PUM2: variants seen among roughly 807,000 people sequenced by gnomAD.
PUM2 encodes the protein pumilio RNA binding family member 2.
In PUM2, 57 loss-of-function variants were observed where a neutral mutation model predicts 124.5. That is an observed-to-expected ratio of 0.46 (90% CI 0.37 to 0.57). The LOEUF (loss-of-function observed/expected upper bound fraction) is 0.57. PUM2 is among the 20% of genes least tolerant of loss of function. The pLI, the probability that PUM2 is intolerant of heterozygous loss-of-function variation, is 0.00. For missense variants in PUM2, 1,065 were observed against 1,290.6 expected, an observed-to-expected ratio of 0.83 and a Z score of 2.68; for synonymous variants, 460 against 446.1, an observed-to-expected ratio of 1.03 and a Z score of -0.39.
chr2:20,299,694 TAG>T (rs1676494578), intron 7 of PUM2, among the ~76,000 whole-genome samples: 2 of 152,058 alleles, frequency 1.3e-5, no homozygotes, highest in South Asian at 2.1e-4. Context: ...AACATGGTTT[TAG>T]AGAGTTTTCC....
Position 20,251,547 on chromosome 2 carries a change from A to T in PUM2, c.*38T>A. The T allele has an allele frequency of 6.4e-7, 1 of 1,573,416 alleles. No individual in the cohort carries two copies. Among genetic ancestry groups the T allele is most frequent in the Non-Finnish European group, 8.6e-7 (1 of 1,157,688 alleles). On this transcript the variant is annotated 3_prime_UTR_variant, in exon 21 of 21. Coordinates refer to ENST00000361078, the MANE Select transcript of PUM2 (RefSeq NM_015317.5). ...ATTCACACACAAAAAAATTCTTTTC[A>T]CATGGTTAAATTATCTTCTTTCTCT... is the stretch of plus-strand genomic sequence containing the variant.
At chr2:20,278,475 T>G (rs913104765) in intron 13 of PUM2, 108 bp downstream of exon 13, 2 of 964,908 alleles carry the variant, frequency 2.1e-6, no homozygotes, top group East Asian at 2.7e-5. Flanking sequence ...CAAAAGCAAT[T>G]TGGCATGTTT....
intron 16 of PUM2, among the ~76,000 whole-genome samples, chr2:20,256,975 C>T (rs184563581): frequency 1.6e-5 from 2 of 126,084 alleles, no homozygotes; most frequent in African/African-American, 6.0e-5. Context: ...ACCTGGGAGG[C>T]GGAGGTTGCA....
intron 15 of PUM2, among the ~76,000 whole-genome samples, chr2:20,260,133 T>C (rs1316713721): frequency 6.6e-6 from 1 of 152,234 alleles, no homozygotes; most frequent in Non-Finnish European, 1.5e-5. Context: ...ATTTGGGTTG[T>C]CTTTTTGTTG....
intron 2 of PUM2, among the ~76,000 whole-genome samples, chr2:20,321,219 C>T (rs915849645): frequency 1.3e-5 from 2 of 151,808 alleles, no homozygotes; most frequent in African/African-American, 4.8e-5. Context: ...TCTGGGAGGC[C>T]GAGGTTGCAG....
intron 14 of PUM2, among the ~76,000 whole-genome samples, chr2:20,261,394 CAAAAAA>C (rs200294801): frequency 1.2e-3 from 92 of 76,740 alleles, no homozygotes; most frequent in African/African-American, 3.1e-3. Flanking sequence ...ACTCTGTCTC[CAAAAAA>C]AAAAAAAAAA....
chr2:20,253,704 T>C (rs1329062590), intron 20 of PUM2, 118 bp downstream of exon 20: 2 of 950,466 alleles, frequency 2.1e-6, no homozygotes, highest in Non-Finnish European at 3.0e-6. Context: ...AGGATATCCA[T>C]CGATTTTAAT....
chr2:20,298,500 A>G (rs1319747076), intron 7 of PUM2, among the ~76,000 whole-genome samples: 1 of 152,258 alleles, frequency 6.6e-6, no homozygotes, highest in African/African-American at 2.4e-5. Flanking sequence ...TCAGATGTTG[A>G]GGAATCACTG....
upstream of PUM2, among the ~76,000 whole-genome samples, chr2:20,351,641 G>A (rs1024975783): frequency 3.3e-5 from 5 of 152,202 alleles, no homozygotes; most frequent in Non-Finnish European, 7.3e-5. Flanking sequence ...AAGCAGTGGT[G>A]ATTCCAGGAT....
At chr2:20,328,100 C>T (rs768613002) in intron 1 of PUM2, among the ~76,000 whole-genome samples, 16 of 152,092 alleles carry the variant, frequency 1.1e-4, no homozygotes, top group Non-Finnish European at 1.8e-4. Context: ...TTTGGGAGAC[C>T]GAGGTGGGTG....
intron 5 of PUM2, among the ~76,000 whole-genome samples, chr2:20,309,017 A>G (rs1381967830): frequency 6.6e-6 from 1 of 152,158 alleles, no homozygotes; most frequent in African/African-American, 2.4e-5. Context: ...CTGCCAACAC[A>G]TAATTTTGCC....
At chr2:20,348,147 A>G (rs1435032586) in intron 1 of PUM2, among the ~76,000 whole-genome samples, 1 of 151,786 alleles carries the variant, frequency 6.6e-6, no homozygotes, top group Non-Finnish European at 1.5e-5. Context: ...ACACAGCAAG[A>G]CCTCACCTAT....
At chr2:20,297,507 T>A in intron 8 of PUM2, 46 bp downstream of exon 8, 1 of 1,453,770 alleles carries the variant, frequency 6.9e-7, no homozygotes, top group Non-Finnish European at 9.2e-7. Context: ...CAAAACTAAA[T>A]ACATTAAAAA....
rs1663076090 is a variant in PUM2 at position 20,250,596 on chromosome 2, A to G, written c.*989T>C. ...GCATATATTTATAGAAAGCAAAAAG[A>G]GCTATCTGAATATGTAATCATGCTT... On this transcript the variant is annotated 3_prime_UTR_variant, in exon 21 of 21. Transcript: ENST00000361078. 6.6e-6 allele frequency: 1 copy of G among 152,198 alleles called. No individual in the cohort carries two copies. Among genetic ancestry groups the G allele is most frequent in the Non-Finnish European group, 1.5e-5 (1 of 68,002 alleles). 9.4% of individuals were successfully genotyped at this position (152,198 alleles called of 1,614,324 possible). A position where few individuals can be genotyped will look rare whatever the true frequency, so the allele number is the denominator to read the frequency against.
chr2:20,253,210 CTGATT>C (rs1445763287), intron 20 of PUM2, among the ~76,000 whole-genome samples: 3 of 152,042 alleles, frequency 2.0e-5, no homozygotes, highest in African/African-American at 7.2e-5. Flanking sequence ...TTTTGAATGA[CTGATT>C]TATTTTTTGA....
intron 20 of PUM2, among the ~76,000 whole-genome samples, chr2:20,252,320 G>A (rs1663610786): frequency 6.6e-6 from 1 of 152,180 alleles, no homozygotes; most frequent in African/African-American, 2.4e-5. Flanking sequence ...ACTAAAGTGG[G>A]AGGATGGCTT....
chr2:20,263,436 C>T lies in PUM2; in HGVS notation c.1982G>A (p.Arg661Gln), dbSNP rs1306907996. ...TGCTCCAGGTGCTGCAGAGATATAT[C>T]GACCACTACCATTTGTCAGTCCTCC... ...HLGGLTNGSG[R>Q]YISAAPGAEA... The change falls in exon 14 of 21, where the codon CGA becomes CAA. Residue 661 changes from arginine (R) to glutamine (Q), a missense_variant. Around this residue, in one of 3 missense-constraint regions of PUM2, gnomAD observed 968 missense variants for 1,159.8 expected, o/e 0.83. Coordinates refer to ENST00000361078, the MANE Select transcript of PUM2 (RefSeq NM_015317.5). The T allele has an allele frequency of 2.5e-6, 4 of 1,612,286 alleles. No homozygotes were observed. Among genetic ancestry groups the T allele is most frequent in the Non-Finnish European group, 2.5e-6 (3 of 1,178,378 alleles).
intron 12 of PUM2, among the ~76,000 whole-genome samples, chr2:20,280,157 G>T (rs1671170643): frequency 6.6e-6 from 1 of 152,018 alleles, no homozygotes; most frequent in Non-Finnish European, 1.5e-5. Context: ...AATTACGTTG[G>T]TTTTGCCAAA....
At chr2:20,295,249 T>C (rs1170418805) in intron 8 of PUM2, among the ~76,000 whole-genome samples, 1 of 152,194 alleles carries the variant, frequency 6.6e-6, no homozygotes, top group Non-Finnish European at 1.5e-5. Context: ...GTAAATAGTT[T>C]TATGCACAAT....
Sources: allele counts gnomAD v4.1 joint callset (sites outside exome capture counted in the v4.1 genomes callset), GRCh38; gene constraint gnomAD v4.1.1; regional missense constraint gnomAD v4.1.1; transcripts MANE v1.5; gene names NCBI Gene and HGNC (gene_info 2026-07-23, HGNC 2026-07-21).